The following LPIN1 variants were observed in gnomAD, a reference collection of about 807,000 sequenced individuals.
LPIN1 encodes phosphatidate phosphatase LPIN1.
LPIN1 carries 71 observed loss-of-function variants against 107.5 expected under a neutral mutation model. That is an observed-to-expected ratio of 0.66 (90% CI 0.55 to 0.80). The LOEUF is 0.80. Ranked by LOEUF, LPIN1 falls within the 30% of genes least tolerant of loss-of-function variation. The pLI is 0.00. For synonymous variants in LPIN1, 445 were observed against 452.6 expected (o/e 0.98, Z 0.21); for missense variants, 1,043 against 1,160.6 (o/e 0.90, Z 1.47).
upstream of LPIN1, among the ~76,000 whole-genome samples, chr2:11,744,489 G>A (rs1279642026): frequency 2.0e-5 from 3 of 152,192 alleles, no homozygotes; most frequent in Admixed American, 1.3e-4. Flanking sequence ...GGGCAGCAGC[G>A]GGACCTAATT....
chr2:11,767,827 C>T lies in LPIN1; in HGVS notation c.257C>T (p.Ala86Val), dbSNP rs1223941704. Residue 86 changes from alanine to valine, a missense_variant, in exon 3 of 21, where the codon GCA becomes GTA. By Grantham distance (64) the Ala-to-Val change is moderately conservative (BLOSUM62 0). Transcript: ENST00000674199. ...ATGAAATTGGGAGATAATGGAGAAG[C>T]ATTTTTTGTTCAAGAAACAGATAAT... ...LHMKLGDNGEAFFVQETDNDQ... is the reference protein window; with the variant it reads ...LHMKLGDNGEVFFVQETDNDQ... 1 of 1,612,626 alleles carries T rather than the reference C, an allele frequency of 6.2e-7. No individual in the cohort carries two copies. Among genetic ancestry groups the T allele is most frequent in the African/African-American group, 1.3e-5 (1 of 74,904 alleles).
At position 11,819,343 on chromosome 2, in the gene LPIN1, A is replaced by G. The variant is rs965639954; in HGVS notation, c.2403-141A>G. 19 of 660,238 alleles carry G rather than the reference A, an allele frequency of 2.9e-5. No individual in the cohort carries two copies. In the Admixed American group the frequency reaches 3.4e-4, roughly 12 times the overall value. 40.9% of individuals were successfully genotyped at this position (660,238 alleles called of 1,614,324 possible). Reference sequence around the variant, plus strand: ...ACTTTCCATCTCGTGCTTTTCTGGGATGTCTCAGCTGCCTGACACACACTA... The same window carrying G: ...ACTTTCCATCTCGTGCTTTTCTGGGGTGTCTCAGCTGCCTGACACACACTA... On this transcript the variant is annotated intron_variant, in intron 18 of 20. Coordinates refer to ENST00000674199, the MANE Select transcript of LPIN1 (RefSeq NM_001349206.2).
chr2:11,768,116 A>G (rs1004481481), intron 3 of LPIN1, among the ~76,000 whole-genome samples: 23 of 152,192 alleles, frequency 1.5e-4, no homozygotes, highest in Non-Finnish European at 4.4e-5. Context: ...GATGGACTTC[A>G]CACATGGGCC....
At chr2:11,758,342 A>T (rs2148596306) in intron 1 of LPIN1, among the ~76,000 whole-genome samples, 1 of 152,218 alleles carries the variant, frequency 6.6e-6, no homozygotes, top group Admixed American at 6.5e-5. Flanking sequence ...AGGAATTCAG[A>T]CTATTTTCTG....
intron 1 of LPIN1, among the ~76,000 whole-genome samples, chr2:11,679,770 G>A (rs56021869): frequency 0.026 from 4,003 of 152,340 alleles, 72 homozygotes; most frequent in South Asian, 0.064. Flanking sequence ...CCTTGGGGGA[G>A]GCAGGCCTCC....
At chr2:11,810,753 G>C (rs1438103917) in intron 17 of LPIN1, among the ~76,000 whole-genome samples, 2 of 152,284 alleles carry the variant, frequency 1.3e-5, no homozygotes, top group Admixed American at 6.5e-5. Flanking sequence ...GTGGCATCGT[G>C]GGGGCCTCGG....
chr2:11,683,610 G>A (rs1313104279), intron 1 of LPIN1, among the ~76,000 whole-genome samples: 1 of 152,202 alleles, frequency 6.6e-6, no homozygotes, highest in African/African-American at 2.4e-5. Flanking sequence ...GCCCTTCTTT[G>A]TCCCTGCCTC....
chr2:11,693,813 TATATATATA>T (rs1412722102), intron 1 of LPIN1, among the ~76,000 whole-genome samples: 6 of 36,794 alleles, frequency 1.6e-4, no homozygotes, highest in Non-Finnish European at 3.2e-4. Flanking sequence ...TATATATATA[TATATATATA>T]TTTTTTTTTT....
chr2:11,712,135 T>A (rs1663455957), intron 1 of LPIN1, among the ~76,000 whole-genome samples: 1 of 152,062 alleles, frequency 6.6e-6, no homozygotes, highest in South Asian at 2.1e-4. Context: ...TGCCCCCTGA[T>A]CCCCCCGGCA....
chr2:11,724,126 A>G (rs1444486259), upstream of LPIN1: 1 of 153,962 alleles, frequency 6.5e-6, no homozygotes, highest in African/African-American at 2.4e-5. Context: ...CCCTGCTGTA[A>G]TCCAAGCCTT....
chr2:11,802,942 G>A lies in LPIN1; in HGVS notation c.1922G>A (p.Arg641His), dbSNP rs145021638. Residue 641 changes from arginine to histidine, a missense_variant, in exon 15 of 21, where the codon CGC becomes CAC. Arg to His is a conservative substitution (Grantham distance 29). Coordinates refer to ENST00000674199, the MANE Select transcript of LPIN1 (RefSeq NM_001349206.2). ...KHESSSSDEE[R>H]AAAKPSNAGH... Reference sequence around the variant, plus strand: ...GAATCATCCTCCAGTGATGAGGAGCGCGCAGCTGCCAAGCCATCAAACGCA... The same window carrying A: ...GAATCATCCTCCAGTGATGAGGAGCACGCAGCTGCCAAGCCATCAAACGCA... 2.2e-4 allele frequency: 351 copies of A among 1,613,422 alleles called. 3 individuals are homozygous for A. In the African/African-American group the frequency reaches 3.3e-3, roughly 15 times the overall value.
At chr2:11,721,217 C>T (rs150049693), upstream of LPIN1, among the ~76,000 whole-genome samples, 10 of 151,166 alleles carry the variant, frequency 6.6e-5, no homozygotes, top group Non-Finnish European at 1.2e-4. Context: ...AATAGAGATG[C>T]GCTGGGGTAT....
intron 13 of LPIN1, among the ~76,000 whole-genome samples, chr2:11,794,121 A>C (rs1676256137): frequency 6.6e-6 from 1 of 152,218 alleles, no homozygotes; most frequent in Admixed American, 6.5e-5. Flanking sequence ...TCTGAGGTCT[A>C]CTCATCAGTT....
At chr2:11,757,817 A>C (rs954680520) in intron 1 of LPIN1, among the ~76,000 whole-genome samples, 7 of 152,058 alleles carry the variant, frequency 4.6e-5, no homozygotes, top group Admixed American at 3.9e-4. Flanking sequence ...AAAAAAAGTT[A>C]ATTGTGATAA....
In LPIN1 at chr2:11,765,331, A is replaced by ACTGATGGGCCGTGATGGGCC. The variant is rs1405609323; in HGVS notation, c.-9-191_-9-172dup. Among the ~76,000 whole-genome samples the ACTGATGGGCCGTGATGGGCC allele has an allele frequency of 6.7e-6, 1 of 148,464 alleles. No individual in the cohort carries two copies. The highest frequency in any genetic ancestry group is 2.5e-5 in the African/African-American group (1 of 39,990). ...TGGACCCTGATGGGCCATGATGGAC[A>ACTGATGGGCCGTGATGGGCC]CTGATGGGCCGTGATGGGCCCTGAT... On this transcript the variant is annotated intron_variant, in intron 1 of 20. Coordinates refer to ENST00000674199, the MANE Select transcript of LPIN1 (RefSeq NM_001349206.2). This position sits in a 1 kb window ranked among gnomAD's most constrained non-coding sequence, Gnocchi z 4.4.
chr2:11,693,500 C>T (rs1327258617), intron 1 of LPIN1, among the ~76,000 whole-genome samples: 2 of 152,074 alleles, frequency 1.3e-5, no homozygotes, highest in Non-Finnish European at 2.9e-5. Flanking sequence ...GCATTCTCAA[C>T]AAGCACCCCC....
chr2:11,764,651 A>G (rs1670498177), intron 1 of LPIN1, among the ~76,000 whole-genome samples: 1 of 152,258 alleles, frequency 6.6e-6, no homozygotes, highest in Non-Finnish European at 1.5e-5. Flanking sequence ...TCAGACAGGC[A>G]GGCAAAGGCC....
chr2:11,680,281 C>T (rs1055536102), intron 1 of LPIN1, among the ~76,000 whole-genome samples: 1 of 152,094 alleles, frequency 6.6e-6, no homozygotes, highest in African/African-American at 2.4e-5. Flanking sequence ...CTGGCAGCAG[C>T]GTGAGCCCTC....
intron 9 of LPIN1, 100 bp downstream of exon 9, chr2:11,784,022 C>G (rs935918532): frequency 6.9e-6 from 11 of 1,591,906 alleles, no homozygotes; most frequent in Non-Finnish European, 4.3e-6. Flanking sequence ...GTGTGCAAGA[C>G]AGCTGGGCGC....
Sources: gnomAD v4.1 joint callset for allele counts (sites outside exome capture counted in the v4.1 genomes callset) on GRCh38, gnomAD v4.1.1 for gene constraint, Gnocchi (gnomAD v3.1) non-coding constraint, MANE v1.5 for transcripts, NCBI Gene and HGNC (gene_info 2026-07-23, HGNC 2026-07-21) for gene names.